The following TMEM9B variants were observed in gnomAD, a reference collection of about 807,000 sequenced individuals.
The protein encoded by TMEM9B is transmembrane protein 9B.
In TMEM9B, 8 loss-of-function variants were observed where a neutral mutation model predicts 23.5. The ratio of observed to expected loss-of-function variants is 0.34; its 90% CI spans 0.20 to 0.61. The LOEUF (loss-of-function observed/expected upper bound fraction) is 0.61, where lower values mean the gene tolerates loss of function less well. Among genes scored for constraint, TMEM9B ranks in the 20% least tolerant of loss-of-function variants. The probability of loss-of-function intolerance (pLI) is 0.78; values close to 1 mark genes in which losing one functional copy is unlikely to be tolerated. For synonymous variants in TMEM9B, 106 were observed against 96.3 expected (o/e 1.10, Z -0.59); for missense variants, 197 against 252.3 (o/e 0.78, Z 1.49).
intron 1 of TMEM9B, 34 bp downstream of exon 1, chr11:8,964,175 G>A (rs1209792809): frequency 1.3e-6 from 2 of 1,547,354 alleles, no homozygotes; most frequent in African/African-American, 1.4e-5. Flanking sequence ...TAGGGGAGGA[G>A]CTTCCGTCAG....
chr11:8,959,276 G>A (rs529239029), intron 2 of TMEM9B, among the ~76,000 whole-genome samples: 3 of 152,190 alleles, frequency 2.0e-5, no homozygotes, highest in Non-Finnish European at 2.9e-5. Flanking sequence ...ACCCAGTGTC[G>A]ACAAAAATAA....
At position 8,964,256 on chromosome 11, in the gene TMEM9B, G is replaced by C; in HGVS notation, c.58C>G (p.Leu20Val). The C allele has an allele frequency of 1.3e-6, 2 of 1,597,218 alleles. No homozygotes were observed. The highest frequency in any genetic ancestry group is 1.7e-6 in the Non-Finnish European group (2 of 1,172,780). The change falls in exon 1 of 5, where the codon CTG becomes GTG. Residue 20 changes from leucine to valine, a missense_variant. Physicochemically the swap from Leu to Val is conservative, Grantham distance 32. Around this residue, in one of 2 missense-constraint regions of TMEM9B, gnomAD observed 56 missense variants for 38.2 expected, o/e 1.46. Transcript: ENST00000534025. ...RLGSLLSLSC[L>V]ALSVLLLAQL... ...GCCAGCAGCAGCACGGAAAGCGCCA[G>C]GCACGACAGGCTGAGCAAGGAGCCA...
At chr11:8,958,263 C>G (rs528094193) in intron 2 of TMEM9B, among the ~76,000 whole-genome samples, 1 of 150,568 alleles carries the variant, frequency 6.6e-6, no homozygotes, top group Non-Finnish European at 1.5e-5. Context: ...GAGTTCAAGA[C>G]CTGCCTGACC....
At chr11:8,950,837 G>GA (rs1853860698) in intron 4 of TMEM9B, among the ~76,000 whole-genome samples, 2 of 152,022 alleles carry the variant, frequency 1.3e-5, no homozygotes, top group African/African-American at 4.8e-5. Flanking sequence ...AACAAAAACA[G>GA]AAAAAATGAA....
intron 4 of TMEM9B, chr11:8,952,909 TAC>T: frequency 1.8e-6 from 1 of 563,488 alleles, no homozygotes; most frequent in East Asian, 2.8e-5. Flanking sequence ...CCATCTCTGA[TAC>T]TTTTCTCAAT....
intron 1 of TMEM9B, among the ~76,000 whole-genome samples, chr11:8,963,631 A>G (rs1177049347): frequency 2.0e-5 from 3 of 152,190 alleles, no homozygotes; most frequent in Admixed American, 2.0e-4. Flanking sequence ...GTTAGGTGAG[A>G]ATATGAAGCA....
chr11:8,964,263 C>T lies in TMEM9B; in HGVS notation c.51G>A (p.Leu17=), dbSNP rs1227081237. Residue 17 remains leucine (L), a synonymous_variant, in exon 1 of 5, where the codon CTG becomes CTA. Coordinates refer to ENST00000534025, the MANE Select transcript of TMEM9B (RefSeq NM_020644.3). ...GLLRLGSLLS[L]SCLALSVLLL... Reference sequence around the variant, plus strand: ...GCAGCACGGAAAGCGCCAGGCACGACAGGCTGAGCAAGGAGCCAAGCCGAA... The same window carrying T: ...GCAGCACGGAAAGCGCCAGGCACGATAGGCTGAGCAAGGAGCCAAGCCGAA... The T allele has an allele frequency of 1.9e-6, 3 of 1,597,056 alleles. No individual in the cohort carries two copies. Among genetic ancestry groups the T allele is most frequent in the East Asian group, 2.3e-5 (1 of 44,076 alleles).
chr11:8,955,027 T>C (rs1853948288), intron 3 of TMEM9B, among the ~76,000 whole-genome samples: 1 of 151,988 alleles, frequency 6.6e-6, no homozygotes, highest in Non-Finnish European at 1.5e-5. Context: ...GGTGCATGCC[T>C]GTAATCCCAG....
chr11:8,953,981 T>G (rs533720142), intron 3 of TMEM9B, among the ~76,000 whole-genome samples: 43 of 152,338 alleles, frequency 2.8e-4, no homozygotes, highest in African/African-American at 9.6e-4. Flanking sequence ...CACAACAGTA[T>G]TATTCATAAT....
chr11:8,952,244 C>T (rs1379336059), intron 4 of TMEM9B, among the ~76,000 whole-genome samples: 1 of 110,064 alleles, frequency 9.1e-6, no homozygotes, highest in Non-Finnish European at 1.8e-5. Flanking sequence ...ATTATGCCAA[C>T]TATATACACA....
At chr11:8,962,695 C>G (rs1261413436) in intron 1 of TMEM9B, 1 of 153,364 alleles carries the variant, frequency 6.5e-6, no homozygotes, top group African/African-American at 2.4e-5. Flanking sequence ...AGGCACCCAC[C>G]TACAACTAGA....
chr11:8,961,446 T>C (rs1213456793), intron 2 of TMEM9B, among the ~76,000 whole-genome samples: 1 of 152,242 alleles, frequency 6.6e-6, no homozygotes, highest in African/African-American at 2.4e-5. Flanking sequence ...AACTGCTTCA[T>C]GGCACACGTA....
rs1853787982 is a variant in TMEM9B, at chr11:8,947,376, C to G, written c.*944G>C. 1 of 152,652 alleles carries G rather than the reference C, an allele frequency of 6.6e-6. No individual in the cohort carries two copies. Among genetic ancestry groups the G allele is most frequent in the South Asian group, 2.1e-4 (1 of 4,820 alleles). The allele number at this position is 152,652 out of a possible 1,614,324, so 9.5% of individuals were successfully genotyped here. A position where few individuals can be genotyped will look rare whatever the true frequency, so the allele number is the denominator to read the frequency against. ...GCCAGTTATCCAATAATGGTTAGAC[C>G]TTTCAGAAGAGGCACCCACAACCCC... On this transcript the variant is annotated 3_prime_UTR_variant, in exon 5 of 5. Coordinates refer to ENST00000534025, the MANE Select transcript of TMEM9B (RefSeq NM_020644.3).
At chr11:8,955,310 G>A (rs1218568315) in intron 3 of TMEM9B, among the ~76,000 whole-genome samples, 1 of 152,104 alleles carries the variant, frequency 6.6e-6, no homozygotes, top group Non-Finnish European at 1.5e-5. Context: ...TTTCATGGAA[G>A]ACAATTTTTT....
rs1259626887 is a variant in TMEM9B, at chr11:8,964,285, C to T, written c.29G>A (p.Arg10Gln). The change falls in exon 1 of 5, where the codon CGG becomes CAG. Residue 10 changes from arginine (R) to glutamine (Q), a missense_variant. This residue lies in a region of TMEM9B where 56 missense variants were observed against 38.2 expected (regional missense o/e 1.46). Coordinates refer to ENST00000534025, the MANE Select transcript of TMEM9B (RefSeq NM_020644.3). MATLWGGLL[R>Q]LGSLLSLSCL... ...CGACAGGCTGAGCAAGGAGCCAAGC[C>T]GAAGAAGGCCTCCCCACAGGGTCGC... The T allele has an allele frequency of 3.1e-6, 5 of 1,592,122 alleles. No homozygotes were observed. The highest frequency in any genetic ancestry group is 4.3e-6 in the Non-Finnish European group (5 of 1,170,076).
rs1162580313 is a variant in TMEM9B at position 8,948,350 on chromosome 11, A to T, written c.567T>A (p.Ser189=). The part of the protein sequence containing the change: ...WKLQVQEQRK[S]VFDRHVVLS ...TGAGGACAACATGCCGGTCAAAGAC[A>T]GACTTTCGCTGCTCTTGGACTTGAA... is the stretch of plus-strand genomic sequence containing the variant. Residue 189 remains serine (S), a synonymous_variant, in exon 5 of 5, where the codon TCT becomes TCA. Coordinates refer to ENST00000534025, the MANE Select transcript of TMEM9B (RefSeq NM_020644.3). The T allele has an allele frequency of 6.2e-7, 1 of 1,614,194 alleles. No homozygotes were observed. Among genetic ancestry groups the T allele is most frequent in the East Asian group, 2.2e-5 (1 of 44,890 alleles).
At chr11:8,954,207 A>G (rs1411855348) in intron 3 of TMEM9B, among the ~76,000 whole-genome samples, 1 of 152,246 alleles carries the variant, frequency 6.6e-6, no homozygotes, top group Non-Finnish European at 1.5e-5. Context: ...GCAGAGACAG[A>G]AAGTAGACTA....
rs750445765 is a variant in TMEM9B, at chr11:8,964,231, G to T, written c.83C>A (p.Ala28Glu). ...SCLALSVLLL[A>E]QLSDAAKNFE... ...CACCTTGGCGGCGTCTGACAGCTGC[G>T]CCAGCAGCAGCACGGAAAGCGCCAG... Residue 28 changes from alanine to glutamate, a missense_variant, in exon 1 of 5, where the codon GCG becomes GAG. Ala to Glu is a moderately radical substitution (Grantham distance 107). Coordinates refer to ENST00000534025, the MANE Select transcript of TMEM9B (RefSeq NM_020644.3). The T allele has an allele frequency of 6.3e-7, 1 of 1,588,616 alleles. No homozygotes were observed. Among genetic ancestry groups the T allele is most frequent in the Non-Finnish European group, 8.6e-7 (1 of 1,168,580 alleles).
In TMEM9B at chr11:8,948,355, T is replaced by C. The variant is rs1393501834; in HGVS notation, c.562A>G (p.Lys188Glu). ...RWKLQVQEQR[K>E]SVFDRHVVLS ...ACAACATGCCGGTCAAAGACAGACT[T>C]TCGCTGCTCTTGGACTTGAAGCTTC... Residue 188 changes from lysine to glutamate, a missense_variant, in exon 5 of 5, where the codon AAG (lysine) becomes GAG (glutamate). Coordinates refer to ENST00000534025, the MANE Select transcript of TMEM9B (RefSeq NM_020644.3). The C allele has an allele frequency of 2.5e-6, 4 of 1,614,212 alleles. No individual in the cohort carries two copies. Among genetic ancestry groups the C allele is most frequent in the Non-Finnish European group, 2.5e-6 (3 of 1,180,026 alleles).
Sources: allele counts gnomAD v4.1 joint callset (sites outside exome capture counted in the v4.1 genomes callset), GRCh38; gene constraint gnomAD v4.1.1; regional missense constraint gnomAD v4.1.1; transcripts MANE v1.5; gene names NCBI Gene and HGNC (gene_info 2026-07-23, HGNC 2026-07-21).